TBL1X: variants seen among roughly 807,000 people sequenced by gnomAD.
TBL1X encodes F-box-like/WD repeat-containing protein TBL1X.
TBL1X carries 10 observed loss-of-function variants against 50.7 expected under a neutral mutation model. The ratio of observed to expected loss-of-function variants is 0.20; its 90% CI spans 0.12 to 0.33. TBL1X has a LOEUF of 0.33. TBL1X is among the 10% of genes least tolerant of loss of function. The pLI is 1.00. For synonymous variants in TBL1X, 190 were observed against 214.7 expected (o/e 0.88, Z 1.01); for missense variants, 340 against 504.4 (o/e 0.67, Z 3.12).
intron 4 of TBL1X, 46 bp from the exon 5 acceptor site, chrX:9,654,169 G>A: frequency 9.1e-7 from 1 of 1,097,058 alleles, no homozygotes; most frequent in Non-Finnish European, 1.2e-6. Context: ...AAAAAAAAGA[G>A]AAAAATACAA....
intron 6 of TBL1X, among the ~76,000 whole-genome samples, chrX:9,687,176 C>T: frequency 1.8e-5 from 2 of 112,002 alleles, no homozygotes. Flanking sequence ...TATTTTTAAA[C>T]GTGTGTGGAA....
At chrX:9,646,137 A>C (rs1023903155) in intron 3 of TBL1X, among the ~76,000 whole-genome samples, 1 of 112,716 alleles carries the variant, frequency 8.9e-6, no homozygotes, top group Non-Finnish European at 1.9e-5. Flanking sequence ...CTCACACCTG[A>C]TAGCTAGCAT....
intron 5 of TBL1X, among the ~76,000 whole-genome samples, chrX:9,655,664 G>C (rs1264535645): frequency 9.0e-6 from 1 of 111,181 alleles, no homozygotes; most frequent in Admixed American, 9.6e-5. Flanking sequence ...ATATATTCTG[G>C]AACTTGATTA....
intron 2 of TBL1X, among the ~76,000 whole-genome samples, chrX:9,544,472 A>G (rs1319246413): frequency 8.9e-6 from 1 of 111,870 alleles, no homozygotes; most frequent in Non-Finnish European, 1.9e-5. Context: ...GTACAAATGC[A>G]AAGTGAGTGG....
chrX:9,498,547 T>C (rs2081984236), intron 1 of TBL1X, among the ~76,000 whole-genome samples: 1 of 112,750 alleles, frequency 8.9e-6, no homozygotes, highest in Non-Finnish European at 1.9e-5. Context: ...GGCTGAGCCC[T>C]AGAGGGCTGA....
In TBL1X at chrX:9,692,685, G is replaced by C. The variant is rs780057178; in HGVS notation, c.891+431G>C. Among the ~76,000 whole-genome samples the C allele has an allele frequency of 1.7e-3, 189 of 112,997 alleles. 1 individual carries two copies. The highest frequency in any genetic ancestry group is 5.9e-3 in the African/African-American group (184 of 31,147). On this transcript the variant is annotated intron_variant, in intron 9 of 17. Coordinates refer to ENST00000645353, the MANE Select transcript of TBL1X (RefSeq NM_005647.4). Reference sequence around the variant, plus strand: ...AGCCTCCCAAAGTGCTGGGATTATAGGCGTGAGCCACTGCCCCCGGCCAGT... The same window carrying C: ...AGCCTCCCAAAGTGCTGGGATTATACGCGTGAGCCACTGCCCCCGGCCAGT...
chrX:9,590,164 G>A lies in TBL1X; in HGVS notation c.-130-50109G>A, dbSNP rs150883804. ...TGGGCTCCTGGGAGAGAGAAAGGGC[G>A]GAAGGAGAAACCGGTGAAATTGGGT... On this transcript the variant is annotated intron_variant, in intron 2 of 17. Transcript: ENST00000645353. Among the ~76,000 whole-genome samples, 614 of 111,721 alleles carry A rather than the reference G, an allele frequency of 5.5e-3. 2 individuals are homozygous for A. Among genetic ancestry groups the A allele is most frequent in the Non-Finnish European group, 9.2e-3 (489 of 53,149 alleles).
At chrX:9,593,407 AT>A (rs764356501) in intron 2 of TBL1X, among the ~76,000 whole-genome samples, 3,977 of 98,148 alleles carry the variant, frequency 0.041, 74 homozygotes, top group African/African-American at 0.11. Flanking sequence ...CATCTTAAAA[AT>A]AATAATAATA....
intron 2 of TBL1X, among the ~76,000 whole-genome samples, chrX:9,593,982 G>A (rs1159500052): frequency 1.8e-5 from 2 of 112,260 alleles, no homozygotes; most frequent in Non-Finnish European, 3.8e-5. Flanking sequence ...CAGCCCTTGC[G>A]CTGCACTGGT....
chrX:9,664,225 A>T (rs924308516), intron 5 of TBL1X, among the ~76,000 whole-genome samples: 1 of 112,598 alleles, frequency 8.9e-6, no homozygotes, highest in Non-Finnish European at 1.9e-5. Flanking sequence ...ATTTAATTGT[A>T]AAAAAGACTA....
intron 5 of TBL1X, among the ~76,000 whole-genome samples, chrX:9,671,871 A>G (rs1378886858): frequency 8.9e-6 from 1 of 112,698 alleles, no homozygotes; most frequent in Non-Finnish European, 1.9e-5. Flanking sequence ...AACCATTTAC[A>G]GTAGCAAAAT....
rs200717591 is a variant in TBL1X, at chrX:9,564,074, TC to T, written c.-131+62228del. On this transcript the variant is annotated intron_variant, in intron 2 of 17. Coordinates refer to ENST00000645353, the MANE Select transcript of TBL1X (RefSeq NM_005647.4). The stretch of plus-strand genomic sequence containing the variant: ...ACATAGACTTCTTTGAAAATAATTT[TC>T]CCTCAGAATTTTGAAGGTGTTCCTC... 4.4e-4 allele frequency among the ~76,000 whole-genome samples: 49 copies of T among 112,473 alleles called. No individual in the cohort carries two copies. The East Asian group carries it at 0.011, about 24-fold the overall frequency.
intron 2 of TBL1X, among the ~76,000 whole-genome samples, chrX:9,531,354 GGTGTGT>G (rs57905343): frequency 0.035 from 2,650 of 75,178 alleles, 80 homozygotes; most frequent in African/African-American, 0.088. Context: ...GAACCTGGAG[GGTGTGT>G]GTGTGTGTGT....
rs63287561 is a variant in TBL1X, at chrX:9,701,569, TAAAAAAAAAAAAAA to T, written c.1115-3410_1115-3397del. Among the ~76,000 whole-genome samples the T allele has an allele frequency of 1.3e-4, 6 of 47,030 alleles. No homozygotes were observed. In the East Asian group the frequency reaches 2.9e-3, roughly 23 times the overall value. 40.8% of individuals were successfully genotyped at this position (47,030 alleles called of 115,157 possible). The stretch of plus-strand genomic sequence containing the variant: ...TAACACTAACAATAGCTTGATGAGC[TAAAAAAAAAAAAAA>T]AAAAAAAAAAAAAGAAGAAGAAAAA... On this transcript the variant is annotated intron_variant, in intron 12 of 17. Coordinates refer to ENST00000645353, the MANE Select transcript of TBL1X (RefSeq NM_005647.4).
At chrX:9,713,916 C>T (rs1226001538) in intron 16 of TBL1X, among the ~76,000 whole-genome samples, 1 of 111,216 alleles carries the variant, frequency 9.0e-6, no homozygotes, top group Non-Finnish European at 1.9e-5. Flanking sequence ...TCAGATTTCT[C>T]CTGCCTGTCA....
intron 12 of TBL1X, among the ~76,000 whole-genome samples, chrX:9,700,437 C>A (rs752043735): frequency 8.9e-6 from 1 of 112,186 alleles, no homozygotes; most frequent in East Asian, 2.8e-4. Context: ...TCCTACCCAG[C>A]TGACCCAGGA....
At chrX:9,543,053 AG>A (rs753164162) in intron 2 of TBL1X, among the ~76,000 whole-genome samples, 24 of 112,391 alleles carry the variant, frequency 2.1e-4, no homozygotes, top group Non-Finnish European at 4.3e-4. Flanking sequence ...TGAGCAAGGC[AG>A]GGTGGGCGTT....
At chrX:9,661,524 GA>G (rs367749216) in intron 5 of TBL1X, among the ~76,000 whole-genome samples, 31 of 109,509 alleles carry the variant, frequency 2.8e-4, no homozygotes, top group African/African-American at 8.0e-4. Context: ...GACCCTGTCT[GA>G]AAAAAAAAGA....
At chrX:9,597,922 AG>A (rs1601783942) in intron 2 of TBL1X, among the ~76,000 whole-genome samples, 1 of 110,146 alleles carries the variant, frequency 9.1e-6, no homozygotes, top group African/African-American at 3.5e-5. Context: ...TGCGTTAGTC[AG>A]TGTCTCTGTT....
Sources: gnomAD v4.1 joint callset for allele counts (sites outside exome capture counted in the v4.1 genomes callset) on GRCh38, gnomAD v4.1.1 for gene constraint, MANE v1.5 for transcripts, NCBI Gene and HGNC (gene_info 2026-07-23, HGNC 2026-07-21) for gene names.